The following RLN2 variants were observed in gnomAD, a reference collection of about 807,000 sequenced individuals.
RLN2 encodes the protein relaxin 2, also known as prorelaxin H2.
RLN2 carries 10 observed loss-of-function variants against 7.3 expected under a neutral mutation model. The observed-to-expected ratio is 1.36, with a 90% CI of 0.84 to 2.31. RLN2 has a LOEUF of 2.31. Among genes scored for constraint, RLN2 ranks in the 30% most tolerant of loss-of-function variants. The pLI is 0.00. For missense variants in RLN2, 298 were observed against 217.6 expected (o/e 1.37, Z -2.32); for synonymous variants, 103 against 82.3 (o/e 1.25, Z -1.36).
At chr9:5,309,217 T>A (rs532066534), upstream of RLN2, among the ~76,000 whole-genome samples, 1 of 152,168 alleles carries the variant, frequency 6.6e-6, no homozygotes, top group African/African-American at 2.4e-5. Flanking sequence ...TCAGACTGTA[T>A]ATAATGTGTT....
At chr9:5,312,521 A>C in the RLN2 span, among the ~76,000 whole-genome samples, 5 of 152,104 alleles carry the variant, frequency 3.3e-5, no homozygotes, top group Middle Eastern at 6.8e-3. Flanking sequence ...GTCAACCCTC[A>C]CTTTAAACTT....
chr9:5,322,029 A>G, the RLN2 span, among the ~76,000 whole-genome samples: 1 of 152,068 alleles, frequency 6.6e-6, no homozygotes, highest in African/African-American at 2.4e-5. Context: ...GATCTGTGCA[A>G]ATAGGAACTC....
At chr9:5,329,684 G>C in the RLN2 span, among the ~76,000 whole-genome samples, 3 of 151,672 alleles carry the variant, frequency 2.0e-5, no homozygotes, top group African/African-American at 7.3e-5. Context: ...TAATGGTAAA[G>C]GGATCAATTC....
the RLN2 span, among the ~76,000 whole-genome samples, chr9:5,329,309 C>CAAAAAAAAA: frequency 9.4e-5 from 5 of 53,300 alleles, no homozygotes; most frequent in African/African-American, 2.2e-4. Flanking sequence ...GACTCCATCT[C>CAAAAAAAAA]AAAAAAAAAA....
At chr9:5,316,558 C>T in the RLN2 span, among the ~76,000 whole-genome samples, 1 of 151,954 alleles carries the variant, frequency 6.6e-6, no homozygotes, top group Non-Finnish European at 1.5e-5. Flanking sequence ...GTTTTCTGTT[C>T]CTGTGTTAGT....
At chr9:5,326,203 T>C in the RLN2 span, among the ~76,000 whole-genome samples, 1 of 152,118 alleles carries the variant, frequency 6.6e-6, no homozygotes, top group Non-Finnish European at 1.5e-5. Context: ...AAATTGTTTA[T>C]AACAAAAACA....
the RLN2 span, among the ~76,000 whole-genome samples, chr9:5,315,189 G>T: frequency 6.6e-6 from 1 of 152,014 alleles, no homozygotes; most frequent in African/African-American, 2.4e-5. Flanking sequence ...AACTCAGATA[G>T]ATCTGAGAGA....
chr9:5,324,477 A>G, the RLN2 span, among the ~76,000 whole-genome samples: 1 of 152,042 alleles, frequency 6.6e-6, no homozygotes. Flanking sequence ...TTCCAATGAC[A>G]TAATCCTATT....
At chr9:5,304,809 G>A (rs1270916585), upstream of RLN2, 2 of 572,050 alleles carry the variant, frequency 3.5e-6, no homozygotes, top group African/African-American at 3.8e-5. Flanking sequence ...CTCAGCTCTT[G>A]GTCTCCCTCT....
the RLN2 span, among the ~76,000 whole-genome samples, chr9:5,320,146 T>G: frequency 7.3e-5 from 11 of 151,152 alleles, no homozygotes. Flanking sequence ...CCACCACATC[T>G]GGCTAATTTT....
chr9:5,311,804 ATTTT>A, the RLN2 span: 1 of 549,544 alleles, frequency 1.8e-6, no homozygotes, highest in Non-Finnish European at 3.2e-6. Context: ...AAAATGCAGA[ATTTT>A]TTTTTTTAGT....
the RLN2 span, among the ~76,000 whole-genome samples, chr9:5,336,618 C>G: frequency 2.0e-5 from 3 of 152,064 alleles, no homozygotes; most frequent in Admixed American, 6.5e-5. Context: ...AAACTCTCTC[C>G]TAACCTTAAT....
At chr9:5,335,227 A>G in the RLN2 span, 66 of 1,434,116 alleles carry the variant, frequency 4.6e-5, 2 homozygotes, top group Non-Finnish European at 6.1e-5. Flanking sequence ...AAAATTAGAC[A>G]AGATGTGCAC....
chr9:5,302,448 T>C (rs548712000), intron 1 of RLN2, among the ~76,000 whole-genome samples: 3 of 152,188 alleles, frequency 2.0e-5, no homozygotes, highest in Non-Finnish European at 2.9e-5. Context: ...TACCTAACAG[T>C]AGAAGTCTGA....
chr9:5,337,689 G>C, the RLN2 span, among the ~76,000 whole-genome samples: 10 of 151,836 alleles, frequency 6.6e-5, no homozygotes, highest in African/African-American at 2.2e-4. Context: ...ACCTAGTAAC[G>C]GTAAACATTT....
the RLN2 span, chr9:5,335,597 T>A: frequency 6.3e-7 from 1 of 1,588,258 alleles, no homozygotes; most frequent in South Asian, 1.1e-5. Flanking sequence ...TGGTACAATT[T>A]CTGTTAAGTT....
chr9:5,323,273 T>C, the RLN2 span, among the ~76,000 whole-genome samples: 1 of 152,068 alleles, frequency 6.6e-6, no homozygotes, highest in South Asian at 2.1e-4. Context: ...ATGTGAGTAA[T>C]TAAATGTTTT....
the RLN2 span, among the ~76,000 whole-genome samples, chr9:5,312,556 T>A: frequency 6.6e-6 from 1 of 152,076 alleles, no homozygotes; most frequent in East Asian, 1.9e-4. Flanking sequence ...ATAAGATGAA[T>A]ACTTCATTGG....
chr9:5,332,718 C>T, the RLN2 span, among the ~76,000 whole-genome samples: 3 of 151,482 alleles, frequency 2.0e-5, no homozygotes, highest in Admixed American at 1.3e-4. Flanking sequence ...CGGGTTCAAG[C>T]GATTCTCCTG....
Sources: allele counts gnomAD v4.1 joint callset (sites outside exome capture counted in the v4.1 genomes callset), GRCh38; gene constraint gnomAD v4.1.1; transcripts MANE v1.5; gene names NCBI Gene and HGNC (gene_info 2026-07-23, HGNC 2026-07-21).